COG2: variants seen among roughly 807,000 people sequenced by gnomAD.
COG2 encodes conserved oligomeric Golgi complex subunit 2.
In COG2, 52 loss-of-function variants were observed where a neutral mutation model predicts 90.6. That is an observed-to-expected ratio of 0.57 (90% CI 0.46 to 0.72). The LOEUF is 0.72. Ranked by LOEUF, COG2 falls within the 30% of genes least tolerant of loss-of-function variation. COG2 has a pLI of 0.00. For missense variants in COG2, 829 were observed against 891.2 expected (o/e 0.93, Z 0.89); for synonymous variants, 337 against 320.4 (o/e 1.05, Z -0.55).
chr1:230,656,092 G>C (rs187514775), intron 1 of COG2, among the ~76,000 whole-genome samples: 1 of 151,864 alleles, frequency 6.6e-6, no homozygotes, highest in African/African-American at 2.4e-5. Flanking sequence ...AGGGTTTTTC[G>C]TGTCTCTATC....
chr1:230,683,573 G>C lies in COG2; in HGVS notation c.1167-1G>C, dbSNP rs755209036. ...AATTCTTCTTCTTGTTTTTATCTCA[G>C]ATTTAGAGAAATAGCGGGATCCTTA... is the stretch of plus-strand genomic sequence containing the variant. On this transcript the variant is annotated splice_acceptor_variant, in intron 10 of 17. Coordinates refer to ENST00000366669, the MANE Select transcript of COG2 (RefSeq NM_007357.3). LOFTEE classifies it high-confidence loss of function. The C allele has an allele frequency of 6.2e-7, 1 of 1,607,192 alleles. No individual in the cohort carries two copies. Among genetic ancestry groups the C allele is most frequent in the Non-Finnish European group, 8.5e-7 (1 of 1,174,024 alleles).
At chr1:230,659,105 A>G (rs979077477) in intron 1 of COG2, among the ~76,000 whole-genome samples, 9 of 152,210 alleles carry the variant, frequency 5.9e-5, no homozygotes, top group Admixed American at 2.6e-4. Flanking sequence ...TATTTTTAAT[A>G]TAATTCTTTG....
At chr1:230,649,182 C>T (rs1661857248) in intron 1 of COG2, among the ~76,000 whole-genome samples, 1 of 152,148 alleles carries the variant, frequency 6.6e-6, no homozygotes, top group Non-Finnish European at 1.5e-5. Flanking sequence ...TCCATAGATG[C>T]TGGAAAACAC....
At chr1:230,654,935 CA>C (rs1396222004) in intron 1 of COG2, among the ~76,000 whole-genome samples, 4 of 152,106 alleles carry the variant, frequency 2.6e-5, no homozygotes. Context: ...GTGATTTTTG[CA>C]CATTGATTTT....
chr1:230,656,525 A>G (rs192402802), intron 1 of COG2, among the ~76,000 whole-genome samples: 1 of 152,192 alleles, frequency 6.6e-6, no homozygotes, highest in Non-Finnish European at 1.5e-5. Flanking sequence ...AATAAGTGCG[A>G]TGCAGTGCTG....
intron 8 of COG2, 29 bp from the exon 9 acceptor site, chr1:230,674,969 T>G: frequency 6.4e-7 from 1 of 1,566,382 alleles, no homozygotes; most frequent in Non-Finnish European, 8.7e-7. Flanking sequence ...TTATGGTATA[T>G]TTTACTGATA....
At position 230,687,246 on chromosome 1, in the gene COG2, G is replaced by A. The variant is rs1021489260; in HGVS notation, c.1578+114G>A. On this transcript the variant is annotated intron_variant, in intron 13 of 17. Coordinates refer to ENST00000366669, the MANE Select transcript of COG2 (RefSeq NM_007357.3). ...TTACGGGGCTTAAATTGGGGGACCC[G>A]TGGGTACCCCAAGAGAGAACCTCTC... is the stretch of plus-strand genomic sequence containing the variant. The A allele has an allele frequency of 5.1e-5, 40 of 780,864 alleles. No homozygotes were observed. In the Admixed American group the frequency reaches 5.3e-4, roughly 10 times the overall value. 48.4% of individuals were successfully genotyped at this position (780,864 alleles called of 1,614,324 possible). A position where few individuals can be genotyped will look rare whatever the true frequency, so the allele number is the denominator to read the frequency against.
chr1:230,683,758 A>G, intron 11 of COG2, 123 bp downstream of exon 11: 1 of 675,414 alleles, frequency 1.5e-6, no homozygotes, highest in South Asian at 1.8e-5. Context: ...TCATACAGTA[A>G]GTTGGACCTT....
chr1:230,642,685 G>C lies in COG2; in HGVS notation c.72+7G>C. 6.2e-7 allele frequency: 1 copy of C among 1,611,106 alleles called. No homozygotes were observed. The highest frequency in any genetic ancestry group is 8.5e-7 in the Non-Finnish European group (1 of 1,178,858). On this transcript the variant is annotated splice_region_variant and intron_variant, in intron 1 of 17. Coordinates refer to ENST00000366669, the MANE Select transcript of COG2 (RefSeq NM_007357.3). ...CAAGGACGAGTTCATGAAGGTGCGCGCGGCGTCCGCTCCCCGGAGCCGGGC... is the reference window on the plus strand; with the variant it reads ...CAAGGACGAGTTCATGAAGGTGCGCCCGGCGTCCGCTCCCCGGAGCCGGGC...
intron 1 of COG2, among the ~76,000 whole-genome samples, chr1:230,648,355 C>T (rs1661839363): frequency 6.6e-6 from 1 of 152,180 alleles, no homozygotes; most frequent in African/African-American, 2.4e-5. Flanking sequence ...AAAATGCTGA[C>T]CTTACAGGTT....
chr1:230,681,394 A>AT (rs1451976337), intron 10 of COG2: 2 of 152,240 alleles, frequency 1.3e-5, no homozygotes, highest in South Asian at 2.1e-4. Context: ...ACATAGTAGT[A>AT]TTAAGGTGCA....
intron 16 of COG2, among the ~76,000 whole-genome samples, chr1:230,690,679 G>A (rs927140677): frequency 6.6e-6 from 1 of 152,102 alleles, no homozygotes; most frequent in Non-Finnish European, 1.5e-5. Context: ...ATCAAAAAGT[G>A]TGTTACTCAA....
Position 230,659,587 on chromosome 1 carries a change from A to C in COG2, c.196A>C (p.Lys66Gln). Residue 66 changes from lysine to glutamine, a missense_variant, in exon 2 of 18, where the codon AAG (lysine) becomes CAG (glutamine). Coordinates refer to ENST00000366669, the MANE Select transcript of COG2 (RefSeq NM_007357.3). ...LKTAMVELIN[K>Q]DYADFVNLST... Reference sequence around the variant, plus strand: ...AACAGCCATGGTCGAACTCATCAACAAGGATTATGCAGATTTTGTCAATCT... The same window carrying C: ...AACAGCCATGGTCGAACTCATCAACCAGGATTATGCAGATTTTGTCAATCT... 6.2e-7 allele frequency: 1 copy of C among 1,614,072 alleles called. No homozygotes were observed. Among genetic ancestry groups the C allele is most frequent in the Non-Finnish European group, 8.5e-7 (1 of 1,179,984 alleles).
At chr1:230,673,136 A>G (rs752207247) in intron 8 of COG2, among the ~76,000 whole-genome samples, 1 of 152,220 alleles carries the variant, frequency 6.6e-6, no homozygotes, top group Non-Finnish European at 1.5e-5. Context: ...CATAGATATG[A>G]AACAATCAGC....
At chr1:230,663,776 G>A (rs531013037) in intron 4 of COG2, among the ~76,000 whole-genome samples, 225 of 152,182 alleles carry the variant, frequency 1.5e-3, no homozygotes, top group Admixed American at 2.3e-3. Context: ...GGCACTTAAC[G>A]TTTATTGGTA....
At position 230,671,607 on chromosome 1, in the gene COG2, T is replaced by G. The variant is rs200631158; in HGVS notation, c.866T>G (p.Leu289Arg). 1.9e-6 allele frequency: 3 copies of G among 1,613,740 alleles called. No homozygotes were observed. Among genetic ancestry groups the G allele is most frequent in the East Asian group, 2.2e-5 (1 of 44,882 alleles). The change falls in exon 8 of 18, where the codon CTT becomes CGT. Residue 289 changes from leucine to arginine, a missense_variant. Leu to Arg is a moderately radical substitution (Grantham distance 102, BLOSUM62 -2). Transcript: ENST00000366669. The stretch of plus-strand genomic sequence containing the variant: ...GAGTTTGTTCCTCACCATTGCCGCC[T>G]TCTTCGAGAAGTCACAGGAGGTGCC... ...LLEFVPHHCR[L>R]LREVTGGAIS...
In COG2 at chr1:230,691,367, C is replaced by T. The variant is rs376586244; in HGVS notation, c.1935-17C>T. Reference sequence around the variant, plus strand: ...ACAAATGCCTCTTTTCACCAATAAACGTGTCTTCTATTCAAGGTACTATGA... The same window carrying T: ...ACAAATGCCTCTTTTCACCAATAAATGTGTCTTCTATTCAAGGTACTATGA... On this transcript the variant is annotated splice_polypyrimidine_tract_variant and intron_variant, in intron 16 of 17. Transcript: ENST00000366669. 67 of 1,581,106 alleles carry T rather than the reference C, an allele frequency of 4.2e-5. No individual in the cohort carries two copies. Among genetic ancestry groups the T allele is most frequent in the Admixed American group, 1.5e-4 (8 of 55,098 alleles).
At chr1:230,673,214 C>A (rs1185103540) in intron 8 of COG2, among the ~76,000 whole-genome samples, 1 of 152,132 alleles carries the variant, frequency 6.6e-6, no homozygotes. Context: ...GGATCTTTTC[C>A]ACAGTTTTTA....
rs764412401 is a variant in COG2 at position 230,685,163 on chromosome 1, T to C, written c.1307T>C (p.Leu436Ser). ...AGGTGTTGGTCAGATGAGATGTTCT[T>C]GCCATTACTGGTGCATCGCCTGTGG... ...LRRCWSDEMF[L>S]PLLVHRLWRL... The change falls in exon 12 of 18, where the codon TTG (leucine) becomes TCG (serine). Residue 436 changes from leucine (L) to serine (S), a missense_variant. Leu to Ser is a moderately radical substitution (Grantham distance 145, BLOSUM62 -2). Transcript: ENST00000366669. 1 of 1,614,222 alleles carries C rather than the reference T, an allele frequency of 6.2e-7. No individual in the cohort carries two copies. The highest frequency in any genetic ancestry group is 1.7e-5 in the Admixed American group (1 of 60,036).
Sources: gnomAD v4.1 joint callset for allele counts (sites outside exome capture counted in the v4.1 genomes callset) on GRCh38, gnomAD v4.1.1 for gene constraint, MANE v1.5 for transcripts, NCBI Gene and HGNC (gene_info 2026-07-23, HGNC 2026-07-21) for gene names.